The following FAAH variants were observed in gnomAD, a reference collection of about 807,000 sequenced individuals.
FAAH encodes the protein fatty-acid amide hydrolase 1.
A neutral mutation model predicts 69.7 loss-of-function variants in FAAH; 63 were observed. The ratio of observed to expected loss-of-function variants is 0.90; its 90% CI spans 0.74 to 1.12. The LOEUF (loss-of-function observed/expected upper bound fraction) is 1.12, where lower values mean the gene tolerates loss of function less well. Among genes scored for constraint, FAAH ranks in the 50% most tolerant of loss-of-function variants. FAAH has a pLI of 0.00. For missense variants in FAAH, 680 were observed against 755.0 expected, an observed-to-expected ratio of 0.90 and a Z score of 1.16; for synonymous variants, 305 against 324.2, an observed-to-expected ratio of 0.94 and a Z score of 0.64.
intron 7 of FAAH, 56 bp from the exon 8 acceptor site, chr1:46,408,403 C>A: frequency 1.2e-6 from 2 of 1,613,054 alleles, no homozygotes; most frequent in South Asian, 2.2e-5. Flanking sequence ...CTCTAGGGGT[C>A]CTGCCTAGGG....
chr1:46,409,267 G>T (rs963352203), intron 9 of FAAH, 69 bp downstream of exon 9: 1 of 1,229,350 alleles, frequency 8.1e-7, no homozygotes, highest in Non-Finnish European at 1.2e-6. Context: ...GAGCAGCAGG[G>T]TGTGGTGATG....
At position 46,409,163 on chromosome 1, in the gene FAAH, C is replaced by G. The variant is rs755996635; in HGVS notation, c.1140C>G (p.Leu380=). The stretch of plus-strand genomic sequence containing the variant: ...TGGAGACCCTGTCAACAGGTGGGCT[C>G]TTCAGTGATGGTGGCCACACCTTCC... ...HALETLSTGG[L]FSDGGHTFLQ... Residue 380 remains leucine (L), a synonymous_variant, in exon 9 of 15, where the codon CTC becomes CTG. Coordinates refer to ENST00000243167, the MANE Select transcript of FAAH (RefSeq NM_001441.3). 4 of 1,614,016 alleles carry G rather than the reference C, an allele frequency of 2.5e-6. No individual in the cohort carries two copies. In the South Asian group the frequency reaches 3.3e-5, roughly 13 times the overall value.
Position 46,409,155 on chromosome 1 carries a change from G to T in FAAH, c.1132G>T (p.Gly378Cys), listed in dbSNP as rs1557760915. 1 of 1,614,062 alleles carries T rather than the reference G, an allele frequency of 6.2e-7. No homozygotes were observed. Among genetic ancestry groups the T allele is most frequent in the Admixed American group, 1.7e-5 (1 of 60,014 alleles). ...IPHALETLST[G>C]GLFSDGGHTF... ...CCATGCTCTGGAGACCCTGTCAACA[G>T]GTGGGCTCTTCAGTGATGGTGGCCA... The change falls in exon 9 of 15, where the codon GGT (glycine) becomes TGT (cysteine). Residue 378 changes from glycine to cysteine, a missense_variant. Gly to Cys is a radical substitution (Grantham distance 159). Transcript: ENST00000243167.
At position 46,410,199 on chromosome 1, in the gene FAAH, C is replaced by T; in HGVS notation, c.1176-199C>T. 3 of 648,274 alleles carry T rather than the reference C, an allele frequency of 4.6e-6. No homozygotes were observed. The highest frequency in any genetic ancestry group is 3.4e-5 in the South Asian group (2 of 58,590). 40.2% of individuals were successfully genotyped at this position (648,274 alleles called of 1,614,324 possible). On this transcript the variant is annotated intron_variant, in intron 9 of 14. Transcript: ENST00000243167. This position sits in a 1 kb window ranked among gnomAD's most constrained non-coding sequence, Gnocchi z 4.9. ...ACCCTGAGTCCTGCCTTGGGGAGCTCCCGTGGATGTGGGTTGCAGCCCAGG... is the reference window on the plus strand; with the variant it reads ...ACCCTGAGTCCTGCCTTGGGGAGCTTCCGTGGATGTGGGTTGCAGCCCAGG...
Position 46,405,365 on chromosome 1 carries a change from C to G in FAAH, c.445-7C>G. ...CACTCCCTTCTGGTGCCCATCCCTC[C>G]TCCCAGGGCCAGGACTCCACGCTGG... On this transcript the variant is annotated splice_region_variant and splice_polypyrimidine_tract_variant and intron_variant, in intron 3 of 14. Coordinates refer to ENST00000243167, the MANE Select transcript of FAAH (RefSeq NM_001441.3). The surrounding 1 kb of genome is among the most constrained non-coding windows in gnomAD (Gnocchi z 4.1). The G allele has an allele frequency of 1.2e-6, 2 of 1,609,406 alleles. No homozygotes were observed. Among genetic ancestry groups the G allele is most frequent in the Non-Finnish European group, 1.7e-6 (2 of 1,179,988 alleles).
In FAAH at chr1:46,413,461, T is replaced by C. The variant is rs757925563; in HGVS notation, c.1626T>C (p.Ser542=). 5.6e-6 allele frequency: 9 copies of C among 1,613,542 alleles called. No homozygotes were observed. Among genetic ancestry groups the C allele is most frequent in the Non-Finnish European group, 7.6e-6 (9 of 1,179,898 alleles). The change falls in exon 15 of 15, where the codon AGT becomes AGC. Residue 542 remains serine, a synonymous_variant. Transcript: ENST00000243167. The part of the protein sequence containing the change: ...DKMLQKGMKK[S]VGLPVAVQCV... ...ATCCCCTATAGGGCATGAAGAAGAG[T>C]GTGGGGCTGCCGGTGGCCGTGCAGT...
At chr1:46,409,031 G>T (rs564352296) in intron 8 of FAAH, 70 bp from the exon 9 acceptor site, 8 of 1,319,134 alleles carry the variant, frequency 6.1e-6, no homozygotes, top group Non-Finnish European at 7.7e-6. Context: ...CCTCAGGGCC[G>T]CCCAGACAGC....
At chr1:46,401,271 G>C (rs1664699078) in intron 1 of FAAH, among the ~76,000 whole-genome samples, 1 of 151,906 alleles carries the variant, frequency 6.6e-6, no homozygotes, top group Non-Finnish European at 1.5e-5. Flanking sequence ...CCAGAGCTCT[G>C]TCTCTCCCCA....
chr1:46,405,927 G>T lies in FAAH; in HGVS notation c.786-111G>T. On this transcript the variant is annotated intron_variant, in intron 5 of 14. Transcript: ENST00000243167. The surrounding 1 kb of genome is among the most constrained non-coding windows in gnomAD (Gnocchi z 4.1). ...AGGAAGCATTACAGTACCACTGGCC[G>T]GGCGTGGGTCCTAGTTTCCAAAGCG... The T allele has an allele frequency of 1.2e-6, 2 of 1,611,774 alleles. No homozygotes were observed. The highest frequency in any genetic ancestry group is 1.7e-6 in the Non-Finnish European group (2 of 1,179,694).
At chr1:46,407,727 G>A (rs1014924698) in intron 7 of FAAH, among the ~76,000 whole-genome samples, 3 of 152,176 alleles carry the variant, frequency 2.0e-5, no homozygotes, top group Non-Finnish European at 4.4e-5. Flanking sequence ...CCAACAGAGT[G>A]CAGGAGCTGT....
intron 1 of FAAH, among the ~76,000 whole-genome samples, chr1:46,400,156 G>A (rs997917678): frequency 2.0e-5 from 3 of 151,300 alleles, no homozygotes; most frequent in Non-Finnish European, 3.0e-5. Flanking sequence ...GCATGTGCTC[G>A]GAGAGGGCAG....
chr1:46,401,449 C>T (rs1176147086), intron 1 of FAAH, among the ~76,000 whole-genome samples: 1 of 152,086 alleles, frequency 6.6e-6, no homozygotes, highest in East Asian at 1.9e-4. Flanking sequence ...GTAAACCCTT[C>T]CTTTTGGGTG....
chr1:46,408,858 G>A (rs1235048498), intron 8 of FAAH, among the ~76,000 whole-genome samples: 3 of 152,222 alleles, frequency 2.0e-5, no homozygotes, highest in Non-Finnish European at 4.4e-5. Flanking sequence ...CTGTCCAGAG[G>A]CTCCCAGGGC....
In FAAH at chr1:46,410,739, T is replaced by C. The variant is rs1465680166; in HGVS notation, c.1276-75T>C. 6.3e-7 allele frequency: 1 copy of C among 1,591,368 alleles called. No individual in the cohort carries two copies. On this transcript the variant is annotated intron_variant, in intron 10 of 14. Transcript: ENST00000243167. The surrounding 1 kb of genome is among the most constrained non-coding windows in gnomAD (Gnocchi z 4.9). ...GAGGCATGGAGGGAGGGGTCCCCAG[T>C]GGCTTGGCCTGAAGAAGGTTGACGT...
In FAAH at chr1:46,394,414, C is replaced by T. The variant is rs986344816; in HGVS notation, c.66C>T (p.Phe22=). 2.7e-6 allele frequency: 4 copies of T among 1,484,112 alleles called. No homozygotes were observed. Among genetic ancestry groups the T allele is most frequent in the African/African-American group, 1.5e-5 (1 of 68,564 alleles). The allele number at this position is 1,484,112 out of a possible 1,614,324, so 91.9% of individuals were successfully genotyped here. The change falls in exon 1 of 15, where the codon TTC becomes TTT. Residue 22 remains phenylalanine, a synonymous_variant. Coordinates refer to ENST00000243167, the MANE Select transcript of FAAH (RefSeq NM_001441.3). ...GASGVALACC[F]VAAAVALRWS... ...CCGGGGTCGCCCTGGCCTGCTGCTT[C>T]GTGGCGGCGGCCGTGGCCCTGCGCT...
chr1:46,412,494 G>C (rs1318446370), intron 13 of FAAH, among the ~76,000 whole-genome samples: 1 of 152,206 alleles, frequency 6.6e-6, no homozygotes, highest in Non-Finnish European at 1.5e-5. Flanking sequence ...ATGGTTTGAA[G>C]TCCAGGTGGG....
rs1664961240 is a variant in FAAH at position 46,413,829 on chromosome 1, C to CTAACA, written c.*255_*259dup. 11 of 531,542 alleles carry CTAACA rather than the reference C, an allele frequency of 2.1e-5. No individual in the cohort carries two copies. In the East Asian group the frequency reaches 3.1e-4, roughly 15 times the overall value. 32.9% of individuals were successfully genotyped at this position (531,542 alleles called of 1,614,324 possible). ...GGGTATGACATAGGCCAAGGCCCAA[C>CTAACA]TAACAGTCAAGAAACAGCTCCTCGT... On this transcript the variant is annotated 3_prime_UTR_variant, in exon 15 of 15. Coordinates refer to ENST00000243167, the MANE Select transcript of FAAH (RefSeq NM_001441.3).
Position 46,410,335 on chromosome 1 carries a change from G to C in FAAH, c.1176-63G>C. ...ATAGAGAATGGGATTGCTGTGGGCC[G>C]GGCGAGCAAGCTGGGAAGGATGTGG... On this transcript the variant is annotated intron_variant, in intron 9 of 14. Coordinates refer to ENST00000243167, the MANE Select transcript of FAAH (RefSeq NM_001441.3). The surrounding 1 kb of genome is among the most constrained non-coding windows in gnomAD (Gnocchi z 4.9). 7.5e-7 allele frequency: 1 copy of C among 1,337,278 alleles called. No homozygotes were observed. The highest frequency in any genetic ancestry group is 1.2e-5 in the South Asian group (1 of 85,316). The allele number at this position is 1,337,278 out of a possible 1,614,324, so 82.8% of individuals were successfully genotyped here. A position where few individuals can be genotyped will look rare whatever the true frequency, so the allele number is the denominator to read the frequency against.
In FAAH at chr1:46,413,077, G is replaced by C. The variant is rs1342054993; in HGVS notation, c.1468G>C (p.Ala490Pro). 2 of 1,614,006 alleles carry C rather than the reference G, an allele frequency of 1.2e-6. No individual in the cohort carries two copies. The highest frequency in any genetic ancestry group is 2.7e-5 in the African/African-American group (2 of 74,924). ...DLNAPGRATG[A>P]VSYTMLYNCL... ...CAGCTGCCTGTAATGTGTTCCAGGG[G>C]CCGTCAGCTACACTATGCTGTACAA... The change falls in exon 14 of 15, where the codon GCC becomes CCC. Residue 490 changes from alanine to proline, a missense_variant and splice_region_variant. By Grantham distance (27) the Ala-to-Pro change is conservative. Transcript: ENST00000243167.
Sources: gnomAD v4.1 joint callset for allele counts (sites outside exome capture counted in the v4.1 genomes callset) on GRCh38, gnomAD v4.1.1 for gene constraint, Gnocchi (gnomAD v3.1) non-coding constraint, MANE v1.5 for transcripts, NCBI Gene and HGNC (gene_info 2026-07-23, HGNC 2026-07-21) for gene names.